MACROD1: variants seen among roughly 807,000 people sequenced by gnomAD.
MACROD1 encodes the protein ADP-ribose glycohydrolase MACROD1.
MACROD1 carries 31 observed loss-of-function variants against 41.4 expected under a neutral mutation model. The observed-to-expected ratio is 0.75, with a 90% confidence interval of 0.56 to 1.01. The LOEUF (loss-of-function observed/expected upper bound fraction) is 1.01, where lower values mean the gene tolerates loss of function less well. Ranked by LOEUF, MACROD1 falls within the 50% of genes least tolerant of loss-of-function variation. The pLI, the probability that MACROD1 is intolerant of heterozygous loss-of-function variation, is 0.00. For missense variants in MACROD1, 473 were observed against 460.0 expected, an observed-to-expected ratio of 1.03 and a Z score of -0.26; for synonymous variants, 252 against 203.4, an observed-to-expected ratio of 1.24 and a Z score of -2.03.
intron 1 of MACROD1, among the ~76,000 whole-genome samples, chr11:64,152,636 C>T (rs1339648752): frequency 2.0e-5 from 3 of 152,172 alleles, no homozygotes; most frequent in African/African-American, 7.2e-5. Flanking sequence ...GCTCAGGCAT[C>T]GCAGACCTGG....
intron 3 of MACROD1, among the ~76,000 whole-genome samples, chr11:64,055,940 C>T (rs1943777382): frequency 6.6e-6 from 1 of 152,156 alleles, no homozygotes; most frequent in African/African-American, 2.4e-5. Flanking sequence ...TGCCTGCAGC[C>T]GACAGCCGTA....
chr11:64,144,085 C>T lies in MACROD1; in HGVS notation c.517+7154G>A, dbSNP rs550650724. On this transcript the variant is annotated intron_variant, in intron 3 of 10. Coordinates refer to ENST00000255681, the MANE Select transcript of MACROD1 (RefSeq NM_014067.4). Reference sequence around the variant, plus strand: ...AGCAGCCCAAGTGATCTGACCAAGCCCCCCCAACTCAGGCCCCGGCCGTGG... The same window carrying T: ...AGCAGCCCAAGTGATCTGACCAAGCTCCCCCAACTCAGGCCCCGGCCGTGG... Among the ~76,000 whole-genome samples, 3 of 151,402 alleles carry T rather than the reference C, an allele frequency of 2.0e-5. No individual in the cohort carries two copies. The South Asian group carries it at 6.3e-4, about 32-fold the overall frequency.
chr11:64,112,591 G>A (rs1441162631), intron 3 of MACROD1, among the ~76,000 whole-genome samples: 1 of 152,212 alleles, frequency 6.6e-6, no homozygotes, highest in African/African-American at 2.4e-5. Flanking sequence ...CTATAGGCAA[G>A]CAAGGAACTG....
intron 3 of MACROD1, among the ~76,000 whole-genome samples, chr11:64,077,641 G>A (rs369796193): frequency 1.3e-5 from 2 of 152,084 alleles, no homozygotes; most frequent in South Asian, 2.1e-4. Flanking sequence ...ATAGATGGAC[G>A]CTCAGAGGCA....
chr11:64,161,085 C>T (rs916153892), intron 1 of MACROD1, among the ~76,000 whole-genome samples: 3 of 151,922 alleles, frequency 2.0e-5, no homozygotes, highest in African/African-American at 7.3e-5. Flanking sequence ...GCAGGAGAAT[C>T]GCTTGAACCC....
At chr11:64,101,891 C>T (rs909613422) in intron 3 of MACROD1, among the ~76,000 whole-genome samples, 4 of 152,178 alleles carry the variant, frequency 2.6e-5, no homozygotes, top group Admixed American at 1.3e-4. Flanking sequence ...CCCCTGCCAC[C>T]CTGTCCACCC....
At chr11:64,163,498 C>T (rs772806264) in intron 1 of MACROD1, among the ~76,000 whole-genome samples, 2 of 152,194 alleles carry the variant, frequency 1.3e-5, no homozygotes, top group Admixed American at 6.5e-5. Context: ...GGTCTCCTCA[C>T]GATCCCTCTC....
At chr11:64,138,822 C>T (rs930053057) in intron 3 of MACROD1, among the ~76,000 whole-genome samples, 6 of 151,718 alleles carry the variant, frequency 4.0e-5, no homozygotes, top group African/African-American at 1.2e-4. Context: ...GGCTGGAGTG[C>T]GGTGGCACCA....
At chr11:64,017,317 G>A (rs489976) in intron 3 of MACROD1, among the ~76,000 whole-genome samples, 43,905 of 151,854 alleles carry the variant, frequency 0.29, 7,925 homozygotes, top group Non-Finnish European at 0.4. Context: ...GGGTGTAGAC[G>A]GGGTGCTGGG....
At chr11:64,138,592 G>A (rs916594339) in intron 3 of MACROD1, 2 of 979,788 alleles carry the variant, frequency 2.0e-6, no homozygotes, top group Non-Finnish European at 2.4e-6. Flanking sequence ...GGCCCTGCTG[G>A]CAGAGGAATG....
intron 3 of MACROD1, among the ~76,000 whole-genome samples, chr11:64,022,601 G>A (rs1352706343): frequency 6.6e-6 from 1 of 152,188 alleles, no homozygotes; most frequent in Non-Finnish European, 1.5e-5. Flanking sequence ...CCCCGCAGAT[G>A]GAATAACATG....
At chr11:64,050,731 G>A (rs1000875070) in intron 3 of MACROD1, among the ~76,000 whole-genome samples, 2 of 152,202 alleles carry the variant, frequency 1.3e-5, no homozygotes, top group African/African-American at 2.4e-5. Context: ...CGATTCTCCT[G>A]CCTCAGCCTC....
chr11:64,065,819 A>C (rs1755143440), intron 3 of MACROD1, among the ~76,000 whole-genome samples: 1 of 149,996 alleles, frequency 6.7e-6, no homozygotes, highest in African/African-American at 2.5e-5. Flanking sequence ...AAGATGAACA[A>C]GGAGACTCCC....
intron 3 of MACROD1, among the ~76,000 whole-genome samples, chr11:64,039,527 C>T (rs908676042): frequency 1.3e-5 from 2 of 152,096 alleles, no homozygotes; most frequent in East Asian, 1.9e-4. Flanking sequence ...GACACTCACC[C>T]TGAGAGGGCC....
At chr11:64,018,146 G>A (rs1164811659) in intron 3 of MACROD1, among the ~76,000 whole-genome samples, 1 of 152,170 alleles carries the variant, frequency 6.6e-6, no homozygotes, top group Non-Finnish European at 1.5e-5. Context: ...AGGCAGGAGA[G>A]TGGCTGCGGC....
chr11:64,152,240 A>G, intron 2 of MACROD1, 52 bp downstream of exon 2: 1 of 1,529,488 alleles, frequency 6.5e-7, no homozygotes. Flanking sequence ...CAATTCTCCC[A>G]AGCCACGGGT....
In MACROD1 at chr11:64,067,314, C is replaced by A. The variant is rs1199210879; in HGVS notation, c.518-52033G>T. Among the ~76,000 whole-genome samples the A allele has an allele frequency of 1.3e-5, 2 of 152,160 alleles. No individual in the cohort carries two copies. Among genetic ancestry groups the A allele is most frequent in the Non-Finnish European group, 2.9e-5 (2 of 68,020 alleles). On this transcript the variant is annotated intron_variant, in intron 3 of 10. Transcript: ENST00000255681. This position sits in a 1 kb window ranked among gnomAD's most constrained non-coding sequence, Gnocchi z 4.6. The stretch of plus-strand genomic sequence containing the variant: ...ACGACATGGCCTCCTCCCCACTGCT[C>A]AGCCTCTCCCGGAGGATGGTGAGGG...
chr11:64,069,161 C>T (rs991070616), intron 3 of MACROD1, among the ~76,000 whole-genome samples: 3 of 152,108 alleles, frequency 2.0e-5, no homozygotes, highest in African/African-American at 7.2e-5. Flanking sequence ...TTGCAGGGGT[C>T]GAGGGAGAGG....
At chr11:64,117,930 G>A (rs1945022173) in intron 3 of MACROD1, 1 of 1,613,962 alleles carries the variant, frequency 6.2e-7, no homozygotes. Context: ...GCCCCTGGCG[G>A]GCATCATCGG....
Sources: allele counts gnomAD v4.1 joint callset (sites outside exome capture counted in the v4.1 genomes callset), GRCh38; gene constraint gnomAD v4.1.1; non-coding constraint Gnocchi (gnomAD v3.1); transcripts MANE v1.5; gene names NCBI Gene and HGNC (gene_info 2026-07-23, HGNC 2026-07-21).